SLC6A4: variants seen among roughly 807,000 people sequenced by gnomAD.
SLC6A4 encodes the protein sodium-dependent serotonin transporter.
SLC6A4 carries 22 observed loss-of-function variants against 73.4 expected under a neutral mutation model. The ratio of observed to expected loss-of-function variants is 0.30; its 90% CI spans 0.21 to 0.43. SLC6A4 has a LOEUF of 0.43. Among genes scored for constraint, SLC6A4 ranks in the 20% least tolerant of loss-of-function variants. SLC6A4 has a pLI of 1.00. For synonymous variants in SLC6A4, 270 were observed against 315.5 expected, an observed-to-expected ratio of 0.86 and a Z score of 1.53; for missense variants, 593 against 808.5, an observed-to-expected ratio of 0.73 and a Z score of 3.23.
At position 30,207,752 on chromosome 17, in the gene SLC6A4, T is replaced by C. The variant is rs753742568; in HGVS notation, c.1630A>G (p.Ile544Val). Reference sequence around the variant, plus strand: ...CTCACCAGGAGAAACAGAGGGCTGATGGCCACCCAGCAGATCCTCCAGAAC... The same window carrying C: ...CTCACCAGGAGAAACAGAGGGCTGACGGCCACCCAGCAGATCCTCCAGAAC... The part of the protein sequence containing the change: ...GWFWRICWVA[I>V]SPLFLLFIIC... The change falls in exon 13 of 15, where the codon ATC becomes GTC. Residue 544 changes from isoleucine to valine, a missense_variant. Ile to Val is a conservative substitution (Grantham distance 29, BLOSUM62 3). Transcript: ENST00000650711. 2 of 1,612,578 alleles carry C rather than the reference T, an allele frequency of 1.2e-6. No homozygotes were observed. Among genetic ancestry groups the C allele is most frequent in the African/African-American group, 1.3e-5 (1 of 74,864 alleles).
At position 30,221,720 on chromosome 17, in the gene SLC6A4, T is replaced by G; in HGVS notation, c.239A>C (p.Glu80Ala). The change falls in exon 3 of 15, where the codon GAG (glutamate) becomes GCG (alanine). Residue 80 changes from glutamate (E) to alanine (A), a missense_variant. Physicochemically the swap from Glu to Ala is moderately radical, Grantham distance 107. Transcript: ENST00000650711. ...LVAELHQGER[E>A]TWGKKVDFLL... ...GAAATCCACCTTCTTGCCCCAGGTCTCCCGTTCCCCTTGATGAAGCTCAGC... is the reference window on the plus strand; with the variant it reads ...GAAATCCACCTTCTTGCCCCAGGTCGCCCGTTCCCCTTGATGAAGCTCAGC... The G allele has an allele frequency of 6.2e-7, 1 of 1,614,170 alleles. No homozygotes were observed. Among genetic ancestry groups the G allele is most frequent in the Non-Finnish European group, 8.5e-7 (1 of 1,180,022 alleles).
rs200343866 is a variant in SLC6A4, at chr17:30,203,168, G to A, written c.1818+4C>T. On this transcript the variant is annotated splice_donor_region_variant and intron_variant, in intron 14 of 14. Transcript: ENST00000650711. ...CACACATATACACACTAACTAGCAC[G>A]TACCTCTTTAAATGTCCCTGGAGTG... is the stretch of plus-strand genomic sequence containing the variant. The A allele has an allele frequency of 1.1e-4, 175 of 1,609,304 alleles. No homozygotes were observed. The highest frequency in any genetic ancestry group is 1.3e-4 in the Non-Finnish European group (156 of 1,176,092).
At position 30,196,133 on chromosome 17, in the gene SLC6A4, A is replaced by G. The variant is rs1482914368; in HGVS notation, c.*2323T>C. On this transcript the variant is annotated 3_prime_UTR_variant, in exon 15 of 15. Transcript: ENST00000650711. ...GCACCCAGCCTCTTGGGTATTTCTT[A>G]CTGATACAAGAAAAAAAACTTCAGT... 1 of 152,050 alleles carries G rather than the reference A, an allele frequency of 6.6e-6. No homozygotes were observed. The highest frequency in any genetic ancestry group is 1.5e-5 in the Non-Finnish European group (1 of 68,004). 9.4% of individuals were successfully genotyped at this position (152,050 alleles called of 1,614,324 possible).
chr17:30,217,406 G>T (rs1193077193), intron 5 of SLC6A4, 102 bp from the exon 6 acceptor site: 1 of 1,180,706 alleles, frequency 8.5e-7, no homozygotes, highest in Non-Finnish European at 1.2e-6. Flanking sequence ...AATGGACACG[G>T]TGCTGCTAGG....
Position 30,218,264 on chromosome 17 carries a change from T to C in SLC6A4, c.552A>G (p.Leu184=), listed in dbSNP as rs2143015115. Residue 184 remains leucine, a synonymous_variant, in exon 5 of 15, where the codon CTA becomes CTG. Transcript: ENST00000650711. The part of the protein sequence containing the change: ...SYYNTIMAWA[L]YYLISSFTDQ... The stretch of plus-strand genomic sequence containing the variant: ...CCGTGAAGGAGGAGATGAGGTAGTA[T>C]AGCGCCCAGGCCATGATGGTGTTGT... The C allele has an allele frequency of 6.2e-7, 1 of 1,614,158 alleles. No homozygotes were observed. The highest frequency in any genetic ancestry group is 8.5e-7 in the Non-Finnish European group (1 of 1,180,000).
chr17:30,222,177 C>T (rs34102420), intron 2 of SLC6A4, 96 bp from the exon 3 acceptor site: 7 of 746,804 alleles, frequency 9.4e-6, no homozygotes, highest in South Asian at 1.9e-5. Context: ...CATTAGTTAA[C>T]GGGATTACAA....
In SLC6A4 at chr17:30,212,379, C is replaced by G. The variant is rs1906414543; in HGVS notation, c.1204+361G>C. 2.0e-5 allele frequency among the ~76,000 whole-genome samples: 3 copies of G among 152,184 alleles called. No individual in the cohort carries two copies. In the South Asian group the frequency reaches 6.2e-4, roughly 31 times the overall value. ...GATCTCTAAGGCATCGAGCTTCTCT[C>G]AAATCTTTGAATAAAAAATGTTTTG... is the stretch of plus-strand genomic sequence containing the variant. On this transcript the variant is annotated intron_variant, in intron 9 of 14. Coordinates refer to ENST00000650711, the MANE Select transcript of SLC6A4 (RefSeq NM_001045.6).
In SLC6A4 at chr17:30,222,033, G is replaced by T; in HGVS notation, c.-75C>A. On this transcript the variant is annotated 5_prime_UTR_variant, in exon 3 of 15. Coordinates refer to ENST00000650711, the MANE Select transcript of SLC6A4 (RefSeq NM_001045.6). ...TGATCTCTGGGTGCTTGGATTTGTG[G>T]ATCACCTCCGAGCTCTCTATCGTCG... The T allele has an allele frequency of 1.2e-6, 2 of 1,605,702 alleles. No homozygotes were observed. Among genetic ancestry groups the T allele is most frequent in the South Asian group, 2.2e-5 (2 of 90,024 alleles).
intron 13 of SLC6A4, chr17:30,204,173 A>G (rs1489406168): frequency 6.6e-6 from 1 of 152,214 alleles, no homozygotes; most frequent in African/African-American, 2.4e-5. Flanking sequence ...TGGTTTCCAG[A>G]TTTTGCCTAG....
chr17:30,229,974 G>A (rs1037649084), intron 1 of SLC6A4, among the ~76,000 whole-genome samples: 4 of 151,382 alleles, frequency 2.6e-5, no homozygotes, highest in South Asian at 4.2e-4. Flanking sequence ...AGCTGAGATC[G>A]GGCCATTGCA....
At chr17:30,206,379 T>C (rs1401822527) in intron 13 of SLC6A4, 1 of 152,190 alleles carries the variant, frequency 6.6e-6, no homozygotes, top group East Asian at 1.9e-4. Context: ...CAGGCTGTTA[T>C]CCATCTTGGA....
At chr17:30,219,964 C>T (rs371047210) in intron 3 of SLC6A4, among the ~76,000 whole-genome samples, 5 of 152,164 alleles carry the variant, frequency 3.3e-5, no homozygotes, top group East Asian at 1.9e-4. Flanking sequence ...ATCAGCTTTA[C>T]GCTGGGGAAT....
rs1287008147 is a variant in SLC6A4 at position 30,198,379 on chromosome 17, A to C, written c.*77T>G. On this transcript the variant is annotated 3_prime_UTR_variant, in exon 15 of 15. Coordinates refer to ENST00000650711, the MANE Select transcript of SLC6A4 (RefSeq NM_001045.6). ...CTTAGCTGGAAACTCATTCACTTGG[A>C]GGGGAGAAGGCAGGCGTGCCTCATC... 10 of 790,344 alleles carry C rather than the reference A, an allele frequency of 1.3e-5. No individual in the cohort carries two copies. The highest frequency in any genetic ancestry group is 1.7e-5 in the Non-Finnish European group (8 of 461,942). 49.0% of individuals were successfully genotyped at this position (790,344 alleles called of 1,614,324 possible).
At position 30,221,632 on chromosome 17, in the gene SLC6A4, A is replaced by C. The variant is rs1906762930; in HGVS notation, c.327T>G (p.Cys109Trp). ...GATACTGACCCCCTCCATTCTGGTA[A>C]CATATGTAGGGGAAGCGCCAGACAT... ...LGNVWRFPYI[C>W]YQNGGGAFLL... Residue 109 changes from cysteine to tryptophan, a missense_variant, in exon 3 of 15, where the codon TGT becomes TGG. By Grantham distance (215) the Cys-to-Trp change is radical. Transcript: ENST00000650711. 6.2e-7 allele frequency: 1 copy of C among 1,613,368 alleles called. No homozygotes were observed. The highest frequency in any genetic ancestry group is 8.5e-7 in the Non-Finnish European group (1 of 1,179,448).
rs1462147732 is a variant in SLC6A4, at chr17:30,197,717, A to C, written c.*739T>G. ...TCACTGGAAAAGGAGTGGGTGGCAGAGCATGTTGTAGTGATTGTACCCTTC... is the reference window on the plus strand; with the variant it reads ...TCACTGGAAAAGGAGTGGGTGGCAGCGCATGTTGTAGTGATTGTACCCTTC... On this transcript the variant is annotated 3_prime_UTR_variant, in exon 15 of 15. Coordinates refer to ENST00000650711, the MANE Select transcript of SLC6A4 (RefSeq NM_001045.6). The C allele has an allele frequency of 6.6e-6, 1 of 152,414 alleles. No homozygotes were observed. The highest frequency in any genetic ancestry group is 1.5e-5 in the Non-Finnish European group (1 of 68,046). The allele number at this position is 152,414 out of a possible 1,614,324, so 9.4% of individuals were successfully genotyped here. A position where few individuals can be genotyped will look rare whatever the true frequency, so the allele number is the denominator to read the frequency against.
In SLC6A4 at chr17:30,207,491, C is replaced by T. The variant is rs886206261; in HGVS notation, c.1650+241G>A. Among the ~76,000 whole-genome samples the T allele has an allele frequency of 2.6e-5, 4 of 152,050 alleles. No individual in the cohort carries two copies. The East Asian group carries it at 5.8e-4, about 22-fold the overall frequency. ...CAACCTCCGCCTCCTGGGTTCAAGC[C>T]ATTCTCCTGCCTCAGCTTCCTGAGT... On this transcript the variant is annotated intron_variant, in intron 13 of 14. Coordinates refer to ENST00000650711, the MANE Select transcript of SLC6A4 (RefSeq NM_001045.6).
In SLC6A4 at chr17:30,232,536, G is replaced by C. The variant is rs368391583; in HGVS notation, c.-221+3077C>G. Among the ~76,000 whole-genome samples the C allele has an allele frequency of 1.3e-4, 20 of 152,286 alleles. No individual in the cohort carries two copies. In the East Asian group the frequency reaches 1.9e-3, roughly 15 times the overall value. On this transcript the variant is annotated intron_variant, in intron 1 of 14. Coordinates refer to ENST00000650711, the MANE Select transcript of SLC6A4 (RefSeq NM_001045.6). ...GATTAATGGAGGTCCATCCAGTCCTGGGTGCTAAAGAGCCTGTGGCTTAAA... is the reference window on the plus strand; with the variant it reads ...GATTAATGGAGGTCCATCCAGTCCTCGGTGCTAAAGAGCCTGTGGCTTAAA...
intron 8 of SLC6A4, among the ~76,000 whole-genome samples, chr17:30,215,002 T>TTCTTTCTTTCTTTCTTCTTTC (rs1555588701): frequency 7.0e-6 from 1 of 142,398 alleles, no homozygotes; most frequent in Admixed American, 7.3e-5. Flanking sequence ...CTTCCTTCCT[T>TTCTTTCTTTCTTTCTTCTTTC]TCTTTCTTTC....
intron 13 of SLC6A4, among the ~76,000 whole-genome samples, chr17:30,206,894 C>T (rs1027355942): frequency 2.0e-5 from 3 of 151,470 alleles, no homozygotes; most frequent in East Asian, 1.9e-4. Flanking sequence ...TTAGTAGAGA[C>T]GGGGTTTCAC....
Sources: gnomAD v4.1 joint callset for allele counts (sites outside exome capture counted in the v4.1 genomes callset) on GRCh38, gnomAD v4.1.1 for gene constraint, MANE v1.5 for transcripts, NCBI Gene and HGNC (gene_info 2026-07-23, HGNC 2026-07-21) for gene names.